The following TRIM61 variants were observed in gnomAD, a reference collection of about 807,000 sequenced individuals.
TRIM61 encodes tripartite motif containing 61, also known as putative tripartite motif-containing protein 61.
TRIM61 carries 1 observed loss-of-function variant against 14.2 expected under a neutral mutation model. That is an observed-to-expected ratio of 0.07 (90% CI 0.03 to 0.33). The LOEUF (loss-of-function observed/expected upper bound fraction) is 0.33, where lower values mean the gene tolerates loss of function less well. Among genes scored for constraint, TRIM61 ranks in the 10% least tolerant of loss-of-function variants. TRIM61 has a pLI of 0.99. For missense variants in TRIM61, 19 were observed against 202.2 expected, an observed-to-expected ratio of 0.09 and a Z score of 5.49; for synonymous variants, 8 against 71.6, an observed-to-expected ratio of 0.11 and a Z score of 4.49.
Position 164,955,056 on chromosome 4 carries a change from G to T in TRIM61, c.566C>A (p.Thr189Lys). Residue 189 changes from threonine to lysine, a missense_variant, in exon 4 of 5, where the codon ACG becomes AAG. Coordinates refer to ENST00000329314, the MANE Select transcript of TRIM61 (RefSeq NM_001012414.3). ...GCGGAGGTTGAAGTGAGCCGAGATC[G>T]TGCAACTGCACTCCAGCCTGGTGAC... 4.6e-6 allele frequency: 1 copy of T among 218,662 alleles called. No homozygotes were observed. The highest frequency in any genetic ancestry group is 4.6e-5 in the South Asian group (1 of 21,726). The allele number at this position is 218,662 out of a possible 1,614,324, so 13.5% of individuals were successfully genotyped here.
chr4:164,956,779 A>G (rs2111128563), intron 3 of TRIM61, among the ~76,000 whole-genome samples: 1 of 152,232 alleles, frequency 6.6e-6, no homozygotes, highest in Admixed American at 6.5e-5. Context: ...AGAAGAGCAA[A>G]GCAAACAGCT....
intron 2 of TRIM61, among the ~76,000 whole-genome samples, chr4:164,972,335 G>A (rs1308576962): frequency 6.6e-6 from 1 of 152,138 alleles, no homozygotes; most frequent in Non-Finnish European, 1.5e-5. Flanking sequence ...AATTCTTCTC[G>A]ACCAAAGGAG....
At chr4:164,974,844 T>C (rs1390814127) in intron 2 of TRIM61, among the ~76,000 whole-genome samples, 2 of 152,200 alleles carry the variant, frequency 1.3e-5, no homozygotes, top group African/African-American at 4.8e-5. Context: ...TGGGTACTGT[T>C]GAGCAGAACA....
At chr4:164,964,202 G>A (rs1732191679) in intron 3 of TRIM61, among the ~76,000 whole-genome samples, 2 of 151,538 alleles carry the variant, frequency 1.3e-5, no homozygotes, top group Admixed American at 1.3e-4. Flanking sequence ...ACAAAAATTC[G>A]CCGGGCTTGG....
At chr4:164,961,562 A>T (rs185053840) in intron 3 of TRIM61, among the ~76,000 whole-genome samples, 41 of 152,100 alleles carry the variant, frequency 2.7e-4, no homozygotes, top group Non-Finnish European at 5.7e-4. Context: ...AATAAAAATT[A>T]AAAAATAAAA....
At chr4:164,959,546 G>T (rs1421252738) in intron 3 of TRIM61, among the ~76,000 whole-genome samples, 1 of 152,096 alleles carries the variant, frequency 6.6e-6, no homozygotes, top group African/African-American at 2.4e-5. Flanking sequence ...CTGGAGGAGG[G>T]TGAAGAACAT....
At chr4:164,970,497 A>T (rs536771451) in intron 2 of TRIM61, among the ~76,000 whole-genome samples, 158 bp from the exon 3 acceptor site, 82 of 100,604 alleles carry the variant, frequency 8.2e-4, no homozygotes, top group African/African-American at 1.2e-3. Context: ...ATTACTTATT[A>T]AAAAAAAAAA....
At chr4:164,956,398 A>C (rs1394826355) in intron 3 of TRIM61, among the ~76,000 whole-genome samples, 2 of 152,054 alleles carry the variant, frequency 1.3e-5, no homozygotes, top group Non-Finnish European at 2.9e-5. Context: ...GGAGTATTTC[A>C]TACATCCATA....
At chr4:164,962,126 A>C (rs1311740022) in intron 3 of TRIM61, among the ~76,000 whole-genome samples, 2 of 152,140 alleles carry the variant, frequency 1.3e-5, no homozygotes, top group African/African-American at 4.8e-5. Flanking sequence ...TTTGCAGTGC[A>C]TGAAGGAGGA....
chr4:164,975,713 G>A (rs920606211), intron 2 of TRIM61, among the ~76,000 whole-genome samples: 4 of 152,048 alleles, frequency 2.6e-5, no homozygotes, highest in African/African-American at 4.8e-5. Flanking sequence ...CCTTGAAAGC[G>A]GGGTATTGTC....
rs1579141155 is a variant in TRIM61, at chr4:164,957,675, G to T, written c.526-2579C>A. ...ATTAAACTCTGATTTTGAGCACTTTGTGCTTTATTCGGAAAATGAATAAGA... is the reference window on the plus strand; with the variant it reads ...ATTAAACTCTGATTTTGAGCACTTTTTGCTTTATTCGGAAAATGAATAAGA... On this transcript the variant is annotated intron_variant, in intron 3 of 4. Coordinates refer to ENST00000329314, the MANE Select transcript of TRIM61 (RefSeq NM_001012414.3). 8 of 773,646 alleles carry T rather than the reference G, an allele frequency of 1.0e-5. No homozygotes were observed. The East Asian group carries it at 2.3e-4, about 22-fold the overall frequency. The allele number at this position is 773,646 out of a possible 1,614,324, so 47.9% of individuals were successfully genotyped here.
At chr4:164,955,428 G>C (rs930958278) in intron 3 of TRIM61, among the ~76,000 whole-genome samples, 1 of 152,024 alleles carries the variant, frequency 6.6e-6, no homozygotes, top group African/African-American at 2.4e-5. Context: ...TCCAGGCTGA[G>C]CTCAATGGCT....
chr4:164,970,774 A>G (rs1732347290), intron 2 of TRIM61, among the ~76,000 whole-genome samples: 1 of 152,144 alleles, frequency 6.6e-6, no homozygotes. Flanking sequence ...TGAATCTGAG[A>G]TCTTGAAATC....
intron 3 of TRIM61, among the ~76,000 whole-genome samples, chr4:164,965,994 A>T (rs1732231442): frequency 6.6e-6 from 1 of 152,242 alleles, no homozygotes; most frequent in Admixed American, 6.5e-5. Context: ...AAACATAAAG[A>T]CAGGTAAAAC....
intron 3 of TRIM61, chr4:164,957,793 G>C (rs1214813897): frequency 3.6e-6 from 1 of 274,952 alleles, no homozygotes; most frequent in African/African-American, 2.2e-5. Flanking sequence ...CTTATTTAAA[G>C]CTCTAATAAG....
At chr4:164,964,451 T>A (rs1732197613) in intron 3 of TRIM61, among the ~76,000 whole-genome samples, 1 of 151,506 alleles carries the variant, frequency 6.6e-6, no homozygotes, top group Non-Finnish European at 1.5e-5. Flanking sequence ...CAGAACTCAA[T>A]AAAATTGAAA....
At chr4:164,961,762 TTAAAATCAAAAACA>T (rs1401690631) in intron 3 of TRIM61, among the ~76,000 whole-genome samples, 4 of 152,142 alleles carry the variant, frequency 2.6e-5, no homozygotes, top group African/African-American at 9.6e-5. Context: ...CTGCTGAAAA[TTAAAATCAAAAACA>T]GTTTTGAAGG....
chr4:164,971,926 A>G (rs1732375821), intron 2 of TRIM61, among the ~76,000 whole-genome samples: 1 of 152,208 alleles, frequency 6.6e-6, no homozygotes, highest in Admixed American at 6.5e-5. Flanking sequence ...CAGTGACAGT[A>G]ATAGTATGTG....
intron 3 of TRIM61, chr4:164,957,095 G>A: frequency 1.3e-6 from 2 of 1,564,710 alleles, no homozygotes; most frequent in Non-Finnish European, 1.7e-6. Flanking sequence ...AGCCAGCCCT[G>A]CAGGGTGGGC....
Sources: gnomAD v4.1 joint callset for allele counts (sites outside exome capture counted in the v4.1 genomes callset) on GRCh38, gnomAD v4.1.1 for gene constraint, MANE v1.5 for transcripts, NCBI Gene and HGNC (gene_info 2026-07-23, HGNC 2026-07-21) for gene names.